The following MBOAT2 variants were observed in gnomAD, a reference collection of about 807,000 sequenced individuals.
MBOAT2 encodes membrane bound glycerophospholipid O-acyltransferase 2.
In MBOAT2, 28 loss-of-function variants were observed where a neutral mutation model predicts 63.4. That is an observed-to-expected ratio of 0.44 (90% confidence interval 0.33 to 0.61). MBOAT2 has a LOEUF of 0.61. Ranked by LOEUF, MBOAT2 falls within the 20% of genes least tolerant of loss-of-function variation. The probability of loss-of-function intolerance (pLI) is 0.03; values close to 1 mark genes in which losing one functional copy is unlikely to be tolerated. For synonymous variants in MBOAT2, 211 were observed against 215.6 expected, an observed-to-expected ratio of 0.98 and a Z score of 0.19; for missense variants, 470 against 605.8, an observed-to-expected ratio of 0.78 and a Z score of 2.35.
At chr2:8,997,667 A>G (rs2103381227) in intron 1 of MBOAT2, among the ~76,000 whole-genome samples, 1 of 152,360 alleles carries the variant, frequency 6.6e-6, no homozygotes, top group East Asian at 1.9e-4. Context: ...CTGGCATTTT[A>G]CAAAGATTAT....
chr2:8,962,384 C>A (rs1669675046), intron 1 of MBOAT2, among the ~76,000 whole-genome samples: 1 of 152,204 alleles, frequency 6.6e-6, no homozygotes, highest in Non-Finnish European at 1.5e-5. Flanking sequence ...ATCTGATTCT[C>A]TTCTCCTTCT....
intron 8 of MBOAT2, among the ~76,000 whole-genome samples, chr2:8,868,975 A>C (rs977570990): frequency 1.3e-4 from 20 of 152,218 alleles, no homozygotes; most frequent in African/African-American, 4.6e-4. Flanking sequence ...AATAATATAT[A>C]AGTGAGGCAT....
chr2:8,948,920 C>T (rs186911480), intron 2 of MBOAT2, among the ~76,000 whole-genome samples: 64 of 152,302 alleles, frequency 4.2e-4, no homozygotes, highest in African/African-American at 1.5e-3. Flanking sequence ...CTGCAAACTG[C>T]TTTCCACAAT....
chr2:8,959,066 A>G (rs1669433663), intron 1 of MBOAT2, among the ~76,000 whole-genome samples: 1 of 152,186 alleles, frequency 6.6e-6, no homozygotes, highest in Admixed American at 6.5e-5. Context: ...GGGAGGGGTC[A>G]ATGTCCCCAA....
At chr2:8,983,369 TA>T (rs1671336421) in intron 1 of MBOAT2, among the ~76,000 whole-genome samples, 1 of 152,138 alleles carries the variant, frequency 6.6e-6, no homozygotes, top group African/African-American at 2.4e-5. Context: ...ACAGATAATT[TA>T]AACAGCCCTG....
intron 3 of MBOAT2, among the ~76,000 whole-genome samples, chr2:8,926,509 G>A (rs976068640): frequency 1.3e-5 from 2 of 152,284 alleles, no homozygotes; most frequent in African/African-American, 4.8e-5. Flanking sequence ...TGGGGGCAGG[G>A]GGCTCCCTGC....
chr2:8,915,002 A>G (rs1195555273), intron 3 of MBOAT2, among the ~76,000 whole-genome samples: 1 of 133,088 alleles, frequency 7.5e-6, no homozygotes, highest in Non-Finnish European at 1.5e-5. Context: ...GCAGTGGCGC[A>G]ATCTCGGCTC....
intron 9 of MBOAT2, 47 bp downstream of exon 9, chr2:8,868,399 A>G (rs1662055391): frequency 2.7e-6 from 4 of 1,505,956 alleles, no homozygotes; most frequent in Non-Finnish European, 2.8e-6. Flanking sequence ...AAAGCAAACT[A>G]TGGTACTTAA....
chr2:8,903,859 T>C (rs1226156719), intron 4 of MBOAT2, among the ~76,000 whole-genome samples: 1 of 152,236 alleles, frequency 6.6e-6, no homozygotes, highest in African/African-American at 2.4e-5. Flanking sequence ...CACTCAAGCA[T>C]TTATTCTTCT....
chr2:8,898,665 C>A (rs1163563214), intron 4 of MBOAT2, among the ~76,000 whole-genome samples: 1 of 151,794 alleles, frequency 6.6e-6, no homozygotes, highest in African/African-American at 2.4e-5. Flanking sequence ...GGGCCAGTGC[C>A]TGACCAAACA....
intron 3 of MBOAT2, among the ~76,000 whole-genome samples, chr2:8,937,447 C>T (rs1430041837): frequency 6.6e-6 from 1 of 152,148 alleles, no homozygotes; most frequent in Non-Finnish European, 1.5e-5. Flanking sequence ...TCAATGAGGA[C>T]GAAACACACT....
At chr2:8,991,676 A>C (rs1298387621) in intron 1 of MBOAT2, among the ~76,000 whole-genome samples, 1 of 152,216 alleles carries the variant, frequency 6.6e-6, no homozygotes, top group Admixed American at 6.5e-5. Flanking sequence ...ACTTAACAGA[A>C]ACTGTTACCT....
chr2:8,958,658 A>T lies in MBOAT2; in HGVS notation c.76-16T>A. 1 of 1,545,038 alleles carries T rather than the reference A, an allele frequency of 6.5e-7. No individual in the cohort carries two copies. Among genetic ancestry groups the T allele is most frequent in the South Asian group, 1.2e-5 (1 of 80,442 alleles). ...CAAAGTTGACCTGTAAAGAAAAATT[A>T]AAATTTTGTATTAGCAACACAGACC... On this transcript the variant is annotated splice_polypyrimidine_tract_variant and intron_variant, in intron 1 of 12. Transcript: ENST00000305997.
intron 4 of MBOAT2, among the ~76,000 whole-genome samples, chr2:8,890,410 TAA>T (rs1206033646): frequency 1.3e-5 from 2 of 152,234 alleles, no homozygotes; most frequent in African/African-American, 4.8e-5. Context: ...GTGGTTGTTT[TAA>T]AATCTCTCCC....
At chr2:8,938,062 C>T (rs1042140456) in intron 3 of MBOAT2, among the ~76,000 whole-genome samples, 3 of 152,166 alleles carry the variant, frequency 2.0e-5, no homozygotes, top group African/African-American at 7.2e-5. Context: ...TTGTGGCACA[C>T]ATCAAGACAC....
At chr2:8,946,981 G>A (rs532826580) in intron 2 of MBOAT2, among the ~76,000 whole-genome samples, 2 of 152,326 alleles carry the variant, frequency 1.3e-5, no homozygotes, top group South Asian at 2.1e-4. Context: ...GCTTAGTGAC[G>A]ATGGTATGTC....
chr2:8,987,598 T>C (rs921549181), intron 1 of MBOAT2, among the ~76,000 whole-genome samples: 2 of 152,208 alleles, frequency 1.3e-5, no homozygotes, highest in Admixed American at 6.5e-5. Flanking sequence ...GGACACCTCA[T>C]TGTTTCTCTA....
chr2:8,898,908 A>G (rs1425702583), intron 4 of MBOAT2, among the ~76,000 whole-genome samples: 1 of 151,864 alleles, frequency 6.6e-6, no homozygotes, highest in Non-Finnish European at 1.5e-5. Flanking sequence ...CCTCATTGAT[A>G]AGTCTAAGAT....
At chr2:8,928,513 A>G (rs1419353253) in intron 3 of MBOAT2, among the ~76,000 whole-genome samples, 1 of 152,124 alleles carries the variant, frequency 6.6e-6, no homozygotes, top group Non-Finnish European at 1.5e-5. Flanking sequence ...GACCCTTTTT[A>G]CCCTTAAAAA....
Sources: gnomAD v4.1 joint callset for allele counts (sites outside exome capture counted in the v4.1 genomes callset) on GRCh38, gnomAD v4.1.1 for gene constraint, MANE v1.5 for transcripts, NCBI Gene and HGNC (gene_info 2026-07-23, HGNC 2026-07-21) for gene names.